The following TTC39C variants were observed in gnomAD, a reference collection of about 807,000 sequenced individuals.
TTC39C encodes the protein tetratricopeptide repeat domain 39C.
A neutral mutation model predicts 76.3 loss-of-function variants in TTC39C; 33 were observed. The ratio of observed to expected loss-of-function variants is 0.43; its 90% CI spans 0.33 to 0.58. The LOEUF (loss-of-function observed/expected upper bound fraction) is 0.58. Among genes scored for constraint, TTC39C ranks in the 20% least tolerant of loss-of-function variants. TTC39C has a pLI of 0.04. For missense variants in TTC39C, 595 were observed against 701.4 expected, an observed-to-expected ratio of 0.85 and a Z score of 1.71; for synonymous variants, 254 against 260.6, an observed-to-expected ratio of 0.97 and a Z score of 0.24.
chr18:24,043,406 C>A (rs985632065), intron 1 of TTC39C, among the ~76,000 whole-genome samples: 4 of 152,040 alleles, frequency 2.6e-5, no homozygotes, highest in Non-Finnish European at 5.9e-5. Context: ...TTTTTCCCTA[C>A]CCCTCCTTTC....
intron 1 of TTC39C, among the ~76,000 whole-genome samples, chr18:24,015,996 A>T (rs996913731): frequency 1.3e-5 from 2 of 152,160 alleles, no homozygotes; most frequent in African/African-American, 4.8e-5. Flanking sequence ...GCTTCACGCT[A>T]TGGAGACCCT....
chr18:24,053,948 AAAC>A (rs1158537018), intron 1 of TTC39C, among the ~76,000 whole-genome samples: 3 of 152,282 alleles, frequency 2.0e-5, no homozygotes, highest in African/African-American at 7.2e-5. Context: ...AAAAAGGAAA[AAAC>A]AACTTTTTAA....
At chr18:24,107,187 A>G (rs2084754755) in intron 6 of TTC39C, among the ~76,000 whole-genome samples, 1 of 152,234 alleles carries the variant, frequency 6.6e-6, no homozygotes, top group Admixed American at 6.5e-5. Flanking sequence ...TTAAGTACTC[A>G]TGTATATTTA....
In TTC39C at chr18:23,997,716, A is replaced by AAG. The variant is rs1291952592; in HGVS notation, c.-17+4680_-17+4681dup. ...AAAGAAAGAAAGAAAGAAAGAAAGA[A>AAG]AGAAAGAAACCAAAACAGGCATAGT... On this transcript the variant is annotated intron_variant, in intron 1 of 13. Coordinates refer to the TTC39C transcript ENST00000304621. 1.0e-3 allele frequency among the ~76,000 whole-genome samples: 155 copies of AAG among 151,182 alleles called. No homozygotes were observed. The South Asian group carries it at 0.014, about 14-fold the overall frequency.
intron 1 of TTC39C, among the ~76,000 whole-genome samples, chr18:24,029,782 C>T (rs1163724129): frequency 4.6e-5 from 7 of 152,228 alleles, no homozygotes; most frequent in Non-Finnish European, 8.8e-5. Flanking sequence ...AGTCACTTCA[C>T]TTAGAATGAT....
Position 24,061,623 on chromosome 18 carries a change from GC to G in TTC39C, c.168-2516del, listed in dbSNP as rs375483057. Reference sequence around the variant, plus strand: ...AAAAAAAAAAAAAAAAAAAGCGTGGGCTGGGTGTGGTGGCTCACACCAGTAA... The same window carrying G: ...AAAAAAAAAAAAAAAAAAAGCGTGGGTGGGTGTGGTGGCTCACACCAGTAA... On this transcript the variant is annotated intron_variant, in intron 1 of 13. Transcript: ENST00000317571. Among the ~76,000 whole-genome samples, 288 of 150,812 alleles carry G rather than the reference GC, an allele frequency of 1.9e-3. 3 individuals carry two copies. The highest frequency in any genetic ancestry group is 6.5e-3 in the African/African-American group (267 of 41,204).
At chr18:24,073,526 C>T (rs552923834) in intron 4 of TTC39C, among the ~76,000 whole-genome samples, 1 of 129,900 alleles carries the variant, frequency 7.7e-6, no homozygotes, top group East Asian at 2.2e-4. Context: ...CATATCAATC[C>T]TGGTTCTTTT....
At chr18:24,114,872 G>A (rs1440068123) in intron 7 of TTC39C, 1 of 422,498 alleles carries the variant, frequency 2.4e-6, no homozygotes, top group African/African-American at 2.0e-5. Context: ...GATAATAGGT[G>A]ATGTTAAATG....
intron 6 of TTC39C, among the ~76,000 whole-genome samples, chr18:24,100,651 G>T (rs1323176348): frequency 6.6e-6 from 1 of 152,252 alleles, no homozygotes; most frequent in Non-Finnish European, 1.5e-5. Context: ...GTGTGGCATT[G>T]TAGAGAGAAC....
intron 2 of TTC39C, among the ~76,000 whole-genome samples, chr18:24,065,767 T>C (rs897138987): frequency 2.0e-5 from 3 of 152,236 alleles, no homozygotes; most frequent in Non-Finnish European, 4.4e-5. Context: ...ACAAAATTTG[T>C]AGAACAGTAA....
At chr18:24,085,763 A>G (rs79941126) in intron 6 of TTC39C, among the ~76,000 whole-genome samples, 7,029 of 152,334 alleles carry the variant, frequency 0.046, 187 homozygotes, top group Admixed American at 0.071. Context: ...GAAAAAACAC[A>G]CAAGATCTGT....
chr18:24,008,658 C>T (rs540501165), intron 1 of TTC39C, among the ~76,000 whole-genome samples: 10 of 152,276 alleles, frequency 6.6e-5, no homozygotes, highest in African/African-American at 2.2e-4. Flanking sequence ...AATTCCTATT[C>T]GACCCAGCAT....
chr18:24,028,182 G>A (rs1383028568), intron 1 of TTC39C, among the ~76,000 whole-genome samples: 2 of 152,196 alleles, frequency 1.3e-5, no homozygotes, highest in Non-Finnish European at 2.9e-5. Context: ...TGGTATAGGG[G>A]AAATGGCTAA....
intron 6 of TTC39C, among the ~76,000 whole-genome samples, chr18:24,111,313 G>A (rs2084806520): frequency 6.6e-6 from 1 of 152,084 alleles, no homozygotes; most frequent in Non-Finnish European, 1.5e-5. Context: ...GCTCACACCT[G>A]TAATCCCAGC....
chr18:24,004,337 TTGTTTTTAC>T (rs1283460664), intron 1 of TTC39C, among the ~76,000 whole-genome samples: 1 of 152,214 alleles, frequency 6.6e-6, no homozygotes. Flanking sequence ...CAGTATATCC[TTGTTTTTAC>T]TGTTTTTGTC....
At chr18:24,022,776 T>C (rs1276751178) in intron 1 of TTC39C, 1 of 985,286 alleles carries the variant, frequency 1.0e-6, no homozygotes, top group East Asian at 1.1e-4. Context: ...TGTGGCCCTG[T>C]CTGCTTCCTG....
chr18:24,000,919 C>T (rs2145625660), intron 1 of TTC39C, among the ~76,000 whole-genome samples: 1 of 152,248 alleles, frequency 6.6e-6, no homozygotes, highest in East Asian at 1.9e-4. Context: ...GAAACCAAAG[C>T]TGAGAGATGT....
At chr18:24,048,378 AT>A (rs2083910213) in intron 1 of TTC39C, among the ~76,000 whole-genome samples, 1 of 152,238 alleles carries the variant, frequency 6.6e-6, no homozygotes, top group African/African-American at 2.4e-5. Flanking sequence ...TTTTGTTAAA[AT>A]TTAAATTTTA....
intron 1 of TTC39C, among the ~76,000 whole-genome samples, chr18:24,037,004 A>G (rs77290698): frequency 0.026 from 3,987 of 152,102 alleles, 128 homozygotes; most frequent in African/African-American, 0.08. Flanking sequence ...TTTCTTTCCA[A>G]TTGGGATGCT....
Sources: allele counts gnomAD v4.1 joint callset (sites outside exome capture counted in the v4.1 genomes callset), GRCh38; gene constraint gnomAD v4.1.1; transcripts MANE v1.5; gene names NCBI Gene and HGNC (gene_info 2026-07-23, HGNC 2026-07-21).